Variants in TENM3 observed in about 807,000 individuals in gnomAD.
TENM3 encodes teneurin transmembrane protein 3, also known as teneurin-3.
Under a neutral mutation model 255.1 loss-of-function variants are expected in TENM3, and 63 were observed. That is an observed-to-expected ratio of 0.25 (90% CI 0.20 to 0.30). The LOEUF (loss-of-function observed/expected upper bound fraction) is 0.30, where lower values mean the gene tolerates loss of function less well. Ranked by LOEUF, TENM3 falls within the 10% of genes least tolerant of loss-of-function variation. The pLI, the probability that TENM3 is intolerant of heterozygous loss-of-function variation, is 1.00. For missense variants in TENM3, 2,929 were observed against 3,461.1 expected, an observed-to-expected ratio of 0.85 and a Z score of 3.86; for synonymous variants, 1,306 against 1,322.3, an observed-to-expected ratio of 0.99 and a Z score of 0.27.
intron 2 of TENM3, among the ~76,000 whole-genome samples, chr4:182,336,961 T>A (rs1394451431): frequency 1.3e-5 from 2 of 151,854 alleles, no homozygotes; most frequent in African/African-American, 4.8e-5. Flanking sequence ...ATGAGGAATA[T>A]GAGACTCAAA....
chr4:182,687,956 T>C (rs1354088534), intron 11 of TENM3, among the ~76,000 whole-genome samples: 1 of 152,212 alleles, frequency 6.6e-6, no homozygotes, highest in Non-Finnish European at 1.5e-5. Flanking sequence ...TAAAATTAAA[T>C]GATGAATAAA....
At chr4:182,636,077 A>G (rs1268584283) in intron 5 of TENM3, among the ~76,000 whole-genome samples, 1 of 152,182 alleles carries the variant, frequency 6.6e-6, no homozygotes, top group Non-Finnish European at 1.5e-5. Flanking sequence ...TGAATTACAT[A>G]CCATTTTCCA....
chr4:182,429,749 AGGTACC>A (rs1334373659), intron 3 of TENM3, among the ~76,000 whole-genome samples: 5 of 152,208 alleles, frequency 3.3e-5, no homozygotes, highest in African/African-American at 1.2e-4. Context: ...AATTTGGTTC[AGGTACC>A]AACATTTATT....
In TENM3 at chr4:182,714,090, G is replaced by T; in HGVS notation, c.2225G>T (p.Gly742Val). The change falls in exon 13 of 28, where the codon GGT (glycine) becomes GTT (valine). Residue 742 changes from glycine (G) to valine (V), a missense_variant. Physicochemically the swap from Gly to Val is moderately radical, Grantham distance 109. Coordinates refer to ENST00000511685, the MANE Select transcript of TENM3 (RefSeq NM_001080477.4). Reference sequence around the variant, plus strand: ...TTTTCCTTCTTTGTCTCGACAGAGGGTTGTCCTGGTCTGTGCAACAGCAAT... The same window carrying T: ...TTTTCCTTCTTTGTCTCGACAGAGGTTTGTCCTGGTCTGTGCAACAGCAAT... ...GWNGEHCTIE[G>V]CPGLCNSNGR... is the part of the protein sequence containing the mutation. 4 of 1,612,860 alleles carry T rather than the reference G, an allele frequency of 2.5e-6. No individual in the cohort carries two copies. The highest frequency in any genetic ancestry group is 1.7e-4 in the Middle Eastern group (1 of 6,060).
At chr4:182,751,661 A>C in intron 19 of TENM3, 139 bp from the exon 20 acceptor site, 1 of 628,908 alleles carries the variant, frequency 1.6e-6, no homozygotes, top group Non-Finnish European at 2.8e-6. Context: ...TTAAATAGAC[A>C]GTACTATTCA....
the TENM3 span, among the ~76,000 whole-genome samples, chr4:182,101,599 T>G: frequency 6.6e-6 from 1 of 152,188 alleles, no homozygotes; most frequent in South Asian, 2.1e-4. Context: ...AGAATGTTGG[T>G]TACCAGAGGC....
At chr4:181,555,393 A>G in the TENM3 span, among the ~76,000 whole-genome samples, 143 of 152,328 alleles carry the variant, frequency 9.4e-4, no homozygotes, top group South Asian at 4.1e-3. Context: ...AAAGTACCAT[A>G]CTTGGCATTC....
At chr4:182,368,472 C>T (rs13137861) in intron 3 of TENM3, among the ~76,000 whole-genome samples, 44,026 of 152,006 alleles carry the variant, frequency 0.29, 7,866 homozygotes, top group African/African-American at 0.51. Flanking sequence ...CTTCAGGGTT[C>T]CCATGTTAGT....
At chr4:182,751,779 T>G in intron 19 of TENM3, 21 bp from the exon 20 acceptor site, 1 of 1,579,830 alleles carries the variant, frequency 6.3e-7, no homozygotes, top group Non-Finnish European at 8.7e-7. Context: ...CTTTGATGTT[T>G]ATCTATGATC....
At chr4:181,744,958 A>C in the TENM3 span, among the ~76,000 whole-genome samples, 1 of 152,210 alleles carries the variant, frequency 6.6e-6, no homozygotes, top group South Asian at 2.1e-4. Flanking sequence ...TGAACAGTGT[A>C]ATCTGTGAGT....
chr4:182,650,844 T>C (rs1753187819), intron 5 of TENM3, among the ~76,000 whole-genome samples: 1 of 147,550 alleles, frequency 6.8e-6, no homozygotes, highest in Non-Finnish European at 1.5e-5. Context: ...GCATCTTCAG[T>C]AGAACCAGCA....
At chr4:181,943,236 T>A in the TENM3 span, among the ~76,000 whole-genome samples, 1 of 152,118 alleles carries the variant, frequency 6.6e-6, no homozygotes, top group African/African-American at 2.4e-5. Flanking sequence ...ATGTCAAGGT[T>A]CTCAGTGATG....
chr4:181,814,129 T>C, the TENM3 span, among the ~76,000 whole-genome samples: 1 of 152,164 alleles, frequency 6.6e-6, no homozygotes, highest in African/African-American at 2.4e-5. Flanking sequence ...AATGGGGCCT[T>C]ATGCTGCTTA....
At chr4:181,609,057 C>A in the TENM3 span, among the ~76,000 whole-genome samples, 1 of 151,880 alleles carries the variant, frequency 6.6e-6, no homozygotes, top group Non-Finnish European at 1.5e-5. Context: ...GCTTTTTGTG[C>A]AAACCTTTGC....
intron 1 of TENM3, among the ~76,000 whole-genome samples, chr4:182,209,188 G>A (rs182389520): frequency 6.1e-4 from 92 of 151,356 alleles, no homozygotes; most frequent in East Asian, 3.1e-3. Flanking sequence ...GGCTGGTCTC[G>A]AACTCCTGAC....
the TENM3 span, among the ~76,000 whole-genome samples, chr4:181,849,949 T>TCTCTCTCTCTCAAACACACACA: frequency 1.5e-5 from 1 of 65,906 alleles, no homozygotes; most frequent in Non-Finnish European, 3.3e-5. Context: ...TCTCTCTCTC[T>TCTCTCTCTCTCAAACACACACA]CACACACACA....
intron 1 of TENM3, among the ~76,000 whole-genome samples, chr4:182,250,644 C>G (rs562652129): frequency 1.3e-5 from 2 of 152,114 alleles, no homozygotes; most frequent in African/African-American, 4.8e-5. Flanking sequence ...AGAATTCTTA[C>G]GTGTGAATGA....
the TENM3 span, among the ~76,000 whole-genome samples, chr4:181,782,092 G>A: frequency 6.6e-6 from 1 of 151,426 alleles, no homozygotes; most frequent in Admixed American, 6.6e-5. Context: ...TTTTTTTGTT[G>A]TATCTCTGCC....
chr4:181,751,143 A>G, the TENM3 span, among the ~76,000 whole-genome samples: 1 of 152,150 alleles, frequency 6.6e-6, no homozygotes, highest in African/African-American at 2.4e-5. Context: ...GGGATACATT[A>G]TTAGCACTTA....
Sources: gnomAD v4.1 joint callset for allele counts (sites outside exome capture counted in the v4.1 genomes callset) on GRCh38, gnomAD v4.1.1 for gene constraint, MANE v1.5 for transcripts, NCBI Gene and HGNC (gene_info 2026-07-23, HGNC 2026-07-21) for gene names.